Variants in SSH2 observed in about 807,000 individuals in gnomAD.
SSH2 encodes slingshot protein phosphatase 2.
In SSH2, 37 loss-of-function variants were observed where a neutral mutation model predicts 135.2. That is an observed-to-expected ratio of 0.27 (90% confidence interval 0.21 to 0.36). The LOEUF (loss-of-function observed/expected upper bound fraction) is 0.36. SSH2 is among the 10% of genes least tolerant of loss of function. SSH2 has a pLI of 1.00. For missense variants in SSH2, 1,408 were observed against 1,765.3 expected, an observed-to-expected ratio of 0.80 and a Z score of 3.63; for synonymous variants, 628 against 646.2, an observed-to-expected ratio of 0.97 and a Z score of 0.43.
intron 3 of SSH2, among the ~76,000 whole-genome samples, chr17:29,711,603 CT>C (rs765290245): frequency 1.4e-4 from 21 of 152,252 alleles, no homozygotes; most frequent in African/African-American, 4.6e-4. Flanking sequence ...ATAGATTTAT[CT>C]TTTTCAATAT....
At chr17:29,895,277 T>C in intron 1 of SSH2, among the ~76,000 whole-genome samples, 2 of 125,942 alleles carry the variant, frequency 1.6e-5, no homozygotes, top group Non-Finnish European at 3.2e-5. Flanking sequence ...ATATATAAAA[T>C]ATATTTTATA....
chr17:29,867,507 T>C (rs1269483716), intron 1 of SSH2, among the ~76,000 whole-genome samples: 1 of 152,186 alleles, frequency 6.6e-6, no homozygotes, highest in Non-Finnish European at 1.5e-5. Context: ...GGTAGTATGA[T>C]CACTGTATGT....
chr17:29,825,975 A>G (rs2042735356), intron 2 of SSH2, among the ~76,000 whole-genome samples: 1 of 152,200 alleles, frequency 6.6e-6, no homozygotes, highest in Non-Finnish European at 1.5e-5. Context: ...AGCTACATAT[A>G]TTAAATATTT....
At chr17:29,814,726 AT>A (rs2042524088) in intron 2 of SSH2, among the ~76,000 whole-genome samples, 2 of 152,030 alleles carry the variant, frequency 1.3e-5, no homozygotes, top group Non-Finnish European at 2.9e-5. Context: ...ATTAGCTTAT[AT>A]TGCCTAAGTA....
intron 12 of SSH2, among the ~76,000 whole-genome samples, chr17:29,652,073 C>T (rs201663649): frequency 6.6e-5 from 10 of 151,956 alleles, no homozygotes; most frequent in African/African-American, 2.4e-4. Flanking sequence ...ACCCGGGAGG[C>T]GGAGGTTGCA....
At chr17:29,823,724 C>T (rs1741112061) in intron 2 of SSH2, among the ~76,000 whole-genome samples, 1 of 151,902 alleles carries the variant, frequency 6.6e-6, no homozygotes, top group Non-Finnish European at 1.5e-5. Context: ...ACTAAAAATA[C>T]AAAAATTAGC....
intron 3 of SSH2, among the ~76,000 whole-genome samples, chr17:29,709,844 G>C (rs1181278056): frequency 6.6e-6 from 1 of 152,184 alleles, no homozygotes; most frequent in Non-Finnish European, 1.5e-5. Context: ...CTGGACAGTA[G>C]AGCAAGTTGT....
chr17:29,698,192 G>C (rs1020769197), intron 4 of SSH2, among the ~76,000 whole-genome samples: 2 of 152,182 alleles, frequency 1.3e-5, no homozygotes, highest in African/African-American at 2.4e-5. Context: ...GAGAGGGTGA[G>C]AGAAATAGGG....
At position 29,830,086 on chromosome 17, in the gene SSH2, G is replaced by A. The variant is rs1401102525; in HGVS notation, c.144+18763C>T. ...GATCTCCTGACCTGGTGACCCTTCC[G>A]CCTCGGCCTCCCAAAGTGCTGGGAT... On this transcript the variant is annotated intron_variant, in intron 2 of 15. Transcript: ENST00000540801. Among the ~76,000 whole-genome samples, 7 of 152,134 alleles carry A rather than the reference G, an allele frequency of 4.6e-5. No homozygotes were observed. The East Asian group carries it at 5.8e-4, about 13-fold the overall frequency.
At chr17:29,880,067 C>G (rs778174250) in intron 1 of SSH2, among the ~76,000 whole-genome samples, 1 of 152,164 alleles carries the variant, frequency 6.6e-6, no homozygotes, top group Non-Finnish European at 1.5e-5. Flanking sequence ...GTCATTCATT[C>G]GATTATCCAT....
At chr17:29,740,868 T>C (rs1216133117) in intron 3 of SSH2, among the ~76,000 whole-genome samples, 2 of 152,248 alleles carry the variant, frequency 1.3e-5, no homozygotes, top group African/African-American at 4.8e-5. Flanking sequence ...AGCAAGTCTG[T>C]TTGCTTATCT....
chr17:29,890,184 G>A (rs1310321301), intron 1 of SSH2, among the ~76,000 whole-genome samples: 1 of 152,142 alleles, frequency 6.6e-6, no homozygotes, highest in African/African-American at 2.4e-5. Context: ...TGAGGATGTG[G>A]AGTAATCAGA....
At chr17:29,870,139 C>A (rs2065914865) in intron 1 of SSH2, among the ~76,000 whole-genome samples, 1 of 151,920 alleles carries the variant, frequency 6.6e-6, no homozygotes, top group African/African-American at 2.4e-5. Context: ...CTCATTGCAG[C>A]ATTTATTATA....
chr17:29,788,672 C>A (rs1034606378), intron 3 of SSH2, among the ~76,000 whole-genome samples: 8 of 150,228 alleles, frequency 5.3e-5, no homozygotes, highest in African/African-American at 2.0e-4. Flanking sequence ...CTATATATAT[C>A]TATCTATCTC....
intron 11 of SSH2, among the ~76,000 whole-genome samples, chr17:29,662,246 T>G (rs2037077996): frequency 6.6e-6 from 1 of 152,230 alleles, no homozygotes; most frequent in African/African-American, 2.4e-5. Context: ...CTTTTCATGC[T>G]ATCCTCAGGA....
chr17:29,724,715 G>A lies in SSH2; in HGVS notation c.189-21653C>T, dbSNP rs1432877261. ...AGCAATTCTCCTGCCTCTGCCTCCC[G>A]AGTAGCTGGGATTACAGGCGCATGC... On this transcript the variant is annotated intron_variant, in intron 3 of 15. Coordinates refer to ENST00000540801, the MANE Select transcript of SSH2 (RefSeq NM_001282129.2). 8.8e-4 allele frequency among the ~76,000 whole-genome samples: 130 copies of A among 147,980 alleles called. 11 individuals carry two copies. Among genetic ancestry groups the A allele is most frequent in the East Asian group, 2.2e-4 (1 of 4,574 alleles).
intron 1 of SSH2, among the ~76,000 whole-genome samples, chr17:29,871,895 AT>A (rs1359369823): frequency 1.3e-5 from 2 of 152,236 alleles, no homozygotes; most frequent in Admixed American, 1.3e-4. Context: ...TTATACAAAA[AT>A]ATTCCCTATT....
At chr17:29,816,475 T>C (rs1001089693) in intron 2 of SSH2, among the ~76,000 whole-genome samples, 8 of 152,182 alleles carry the variant, frequency 5.3e-5, no homozygotes, top group Non-Finnish European at 8.8e-5. Flanking sequence ...CTGCAGAGGA[T>C]TGTTGTATGT....
chr17:29,876,512 G>T (rs1468001503), intron 1 of SSH2, among the ~76,000 whole-genome samples: 1 of 151,832 alleles, frequency 6.6e-6, no homozygotes, highest in Non-Finnish European at 1.5e-5. Flanking sequence ...TCTTCACTTT[G>T]TTGATTGCTT....
Sources: allele counts gnomAD v4.1 joint callset (sites outside exome capture counted in the v4.1 genomes callset), GRCh38; gene constraint gnomAD v4.1.1; transcripts MANE v1.5; gene names NCBI Gene and HGNC (gene_info 2026-07-23, HGNC 2026-07-21).